The following MCC variants were observed in gnomAD, a reference collection of about 807,000 sequenced individuals.
MCC encodes colorectal mutant cancer protein.
A neutral mutation model predicts 116.2 loss-of-function variants in MCC; 90 were observed. The ratio of observed to expected loss-of-function variants is 0.77; its 90% CI spans 0.65 to 0.92. The LOEUF (loss-of-function observed/expected upper bound fraction) is 0.92, where lower values mean the gene tolerates loss of function less well. Among genes scored for constraint, MCC ranks in the 40% least tolerant of loss-of-function variants. MCC has a pLI of 0.00. For missense variants in MCC, 1,516 were observed against 1,312.2 expected, an observed-to-expected ratio of 1.16 and a Z score of -2.40; for synonymous variants, 578 against 510.5, an observed-to-expected ratio of 1.13 and a Z score of -1.78.
chr5:113,104,294 G>T lies in MCC; in HGVS notation c.1089C>A (p.Val363=), dbSNP rs1164422210. Residue 363 remains valine, a synonymous_variant, in exon 7 of 19, where the codon GTC becomes GTA. Transcript: ENST00000408903. ...QRVLTGLENV[V]CGRKKSSCSL... Reference sequence around the variant, plus strand: ...TGCAGCTGCTCTTCTTCCTGCCGCAGACAACATTCTCCAGCCCTGTCAGCA... The same window carrying T: ...TGCAGCTGCTCTTCTTCCTGCCGCATACAACATTCTCCAGCCCTGTCAGCA... 6.2e-7 allele frequency: 1 copy of T among 1,614,014 alleles called. No homozygotes were observed. The highest frequency in any genetic ancestry group is 8.5e-7 in the Non-Finnish European group (1 of 1,180,026).
chr5:113,354,862 A>T (rs1768371890), intron 2 of MCC, among the ~76,000 whole-genome samples: 1 of 148,882 alleles, frequency 6.7e-6, no homozygotes, highest in Non-Finnish European at 1.5e-5. Flanking sequence ...TGTTAATGCA[A>T]GAATGTGGCA....
At chr5:113,305,483 T>C (rs1434939865) in intron 3 of MCC, among the ~76,000 whole-genome samples, 2 of 152,228 alleles carry the variant, frequency 1.3e-5, no homozygotes, top group Non-Finnish European at 2.9e-5. Flanking sequence ...GCTTACAAAT[T>C]TGTGTAAATG....
chr5:113,265,782 C>T (rs899176695), intron 3 of MCC, among the ~76,000 whole-genome samples: 3 of 152,096 alleles, frequency 2.0e-5, no homozygotes, highest in African/African-American at 7.2e-5. Context: ...ATTTACACCT[C>T]CCCTGCTTCA....
chr5:113,181,877 G>A (rs899410130), intron 3 of MCC, among the ~76,000 whole-genome samples: 2 of 152,168 alleles, frequency 1.3e-5, no homozygotes, highest in Non-Finnish European at 2.9e-5. Context: ...TAAATTCTGA[G>A]GCCCAGGGGG....
rs550665385 is a variant in MCC at position 113,181,896 on chromosome 5, A to G, written c.628-30474T>C. Among the ~76,000 whole-genome samples the G allele has an allele frequency of 5.9e-5, 9 of 152,276 alleles. 1 individual carries two copies. The highest frequency in any genetic ancestry group is 2.2e-4 in the African/African-American group (9 of 41,544). ...TTCTGAGGCCCAGGGGGGTTTTAAC[A>G]GTTGCCACGCAGATATGTTGCTCTC... On this transcript the variant is annotated intron_variant, in intron 3 of 18. Coordinates refer to ENST00000408903, the MANE Select transcript of MCC (RefSeq NM_001085377.2).
chr5:113,461,744 T>TAAAAAAAAAAAAAAAAAAAAA (rs56312844), intron 1 of MCC, among the ~76,000 whole-genome samples: 1 of 118,852 alleles, frequency 8.4e-6, no homozygotes, highest in African/African-American at 3.1e-5. Context: ...CTTGCACCAG[T>TAAAAAAAAAAAAAAAAAAAAA]AAAAAAAAAA....
intron 1 of MCC, among the ~76,000 whole-genome samples, chr5:113,417,039 G>A (rs1359903160): frequency 1.4e-5 from 2 of 143,750 alleles, no homozygotes; most frequent in African/African-American, 2.6e-5. Flanking sequence ...GCACGATCTC[G>A]GCTCACTGCA....
intron 3 of MCC, among the ~76,000 whole-genome samples, chr5:113,214,427 C>T (rs961249243): frequency 1.3e-5 from 2 of 152,154 alleles, no homozygotes; most frequent in Non-Finnish European, 2.9e-5. Flanking sequence ...TACTGGGTGC[C>T]ATGGAACAAT....
rs547039425 is a variant in MCC, at chr5:113,298,384, TC to T, written c.627+42134del. Reference sequence around the variant, plus strand: ...TAAGGTCATTTCAAAGACATTACTGTCCTTCAAAGATAGATTCCTATAAAGC... The same window carrying T: ...TAAGGTCATTTCAAAGACATTACTGTCTTCAAAGATAGATTCCTATAAAGC... On this transcript the variant is annotated intron_variant, in intron 3 of 18. Coordinates refer to ENST00000408903, the MANE Select transcript of MCC (RefSeq NM_001085377.2). Among the ~76,000 whole-genome samples the T allele has an allele frequency of 1.2e-4, 18 of 152,310 alleles. No homozygotes were observed. In the South Asian group the frequency reaches 3.5e-3, roughly 30 times the overall value.
intron 1 of MCC, among the ~76,000 whole-genome samples, chr5:113,402,317 TC>T (rs1580334965): frequency 8.0e-6 from 1 of 125,724 alleles, no homozygotes; most frequent in East Asian, 2.2e-4. Context: ...AAAAACACAC[TC>T]AGCTAATTTT....
At chr5:113,074,553 A>G (rs1754281897) in intron 11 of MCC, among the ~76,000 whole-genome samples, 1 of 133,966 alleles carries the variant, frequency 7.5e-6, no homozygotes. Flanking sequence ...AGTTGATAGA[A>G]GAAGGCTTCA....
intron 2 of MCC, among the ~76,000 whole-genome samples, chr5:113,375,094 C>A (rs546052326): frequency 6.6e-6 from 1 of 151,800 alleles, no homozygotes; most frequent in Non-Finnish European, 1.5e-5. Flanking sequence ...TCATATAACT[C>A]GGTATGATGC....
chr5:113,122,390 C>T (rs1554055195), intron 6 of MCC, among the ~76,000 whole-genome samples: 1 of 152,198 alleles, frequency 6.6e-6, no homozygotes, highest in Non-Finnish European at 1.5e-5. Flanking sequence ...CATCATAGTT[C>T]AGATATTACT....
chr5:113,449,648 G>GAACAGGA (rs1269084731), intron 1 of MCC, among the ~76,000 whole-genome samples: 2 of 152,162 alleles, frequency 1.3e-5, no homozygotes, highest in Non-Finnish European at 2.9e-5. Context: ...AGGTAGAGTG[G>GAACAGGA]AACAGGAAAA....
chr5:113,255,239 G>A (rs975394432), intron 3 of MCC, among the ~76,000 whole-genome samples: 1 of 152,108 alleles, frequency 6.6e-6, no homozygotes, highest in Admixed American at 6.5e-5. Flanking sequence ...AGTGAGAGCC[G>A]ACATGTGAGC....
chr5:113,137,363 C>G (rs1480417055), intron 5 of MCC, among the ~76,000 whole-genome samples: 1 of 152,134 alleles, frequency 6.6e-6, no homozygotes, highest in Non-Finnish European at 1.5e-5. Context: ...AGAGCCAAAC[C>G]ATATCAATAT....
chr5:113,128,835 G>T (rs1168125255), intron 5 of MCC, among the ~76,000 whole-genome samples: 1 of 152,276 alleles, frequency 6.6e-6, no homozygotes, highest in East Asian at 1.9e-4. Context: ...TTTGCTGGCA[G>T]ACAAGGAGGT....
chr5:113,324,542 C>G (rs1002643478), intron 3 of MCC, among the ~76,000 whole-genome samples: 1 of 152,038 alleles, frequency 6.6e-6, no homozygotes, highest in Non-Finnish European at 1.5e-5. Flanking sequence ...CTGGCTAAAC[C>G]TAAGATTTTA....
At position 113,316,062 on chromosome 5, in the gene MCC, C is replaced by A. The variant is rs1767272235; in HGVS notation, c.627+24457G>T. On this transcript the variant is annotated intron_variant, in intron 3 of 18. Transcript: ENST00000408903. Reference sequence around the variant, plus strand: ...CATGAGGTCAGGAGTTTGAGACCAGCCTGACCAACAAGGTGAAACCCGGTG... The same window carrying A: ...CATGAGGTCAGGAGTTTGAGACCAGACTGACCAACAAGGTGAAACCCGGTG... Among the ~76,000 whole-genome samples, 3 of 152,044 alleles carry A rather than the reference C, an allele frequency of 2.0e-5. No individual in the cohort carries two copies. In the South Asian group the frequency reaches 6.2e-4, roughly 32 times the overall value.
Sources: allele counts gnomAD v4.1 joint callset (sites outside exome capture counted in the v4.1 genomes callset), GRCh38; gene constraint gnomAD v4.1.1; transcripts MANE v1.5; gene names NCBI Gene and HGNC (gene_info 2026-07-23, HGNC 2026-07-21).